The following SH2D2A variants were observed in gnomAD, a reference collection of about 807,000 sequenced individuals.
SH2D2A encodes SH2 domain containing 2A.
Under a neutral mutation model 43.6 loss-of-function variants are expected in SH2D2A, and 33 were observed. The ratio of observed to expected loss-of-function variants is 0.76; its 90% CI spans 0.57 to 1.01. SH2D2A has a LOEUF of 1.01. SH2D2A is among the 50% of genes least tolerant of loss of function. The probability of loss-of-function intolerance (pLI) is 0.00; values close to 1 mark genes in which losing one functional copy is unlikely to be tolerated. For missense variants in SH2D2A, 491 were observed against 503.1 expected, an observed-to-expected ratio of 0.98 and a Z score of 0.23; for synonymous variants, 212 against 206.1, an observed-to-expected ratio of 1.03 and a Z score of -0.25.
chr1:156,809,691 C>T lies in SH2D2A; in HGVS notation c.684G>A (p.Pro228=), dbSNP rs148217209. 200 of 1,612,154 alleles carry T rather than the reference C, an allele frequency of 1.2e-4. No homozygotes were observed. The East Asian group carries it at 4.3e-3, about 35-fold the overall frequency. Residue 228 remains proline (P), a synonymous_variant, in exon 6 of 9, where the codon CCG becomes CCA. Transcript: ENST00000368199. This position sits in a 1 kb window ranked among gnomAD's most constrained non-coding sequence, Gnocchi z 4.8. ...PIIKQGQAPV[P]MQKEGAGEKE... ...TCTCCCCGGCCCCCTCTTTCTGCAT[C>T]GGGACTGGGGCTTGCCCCTGTTTGA...
In SH2D2A at chr1:156,809,906, G is replaced by T; in HGVS notation, c.568-99C>A. 2 of 1,361,198 alleles carry T rather than the reference G, an allele frequency of 1.5e-6. No individual in the cohort carries two copies. The highest frequency in any genetic ancestry group is 1.2e-5 in the South Asian group (1 of 80,284). 84.3% of individuals were successfully genotyped at this position (1,361,198 alleles called of 1,614,324 possible). ...AATCCAGTCTAAGTGGAGGATGGGGGAAGGGGGAGGAGCACAGAAATTTGG... is the reference window on the plus strand; with the variant it reads ...AATCCAGTCTAAGTGGAGGATGGGGTAAGGGGGAGGAGCACAGAAATTTGG... On this transcript the variant is annotated intron_variant, in intron 5 of 8. Coordinates refer to ENST00000368199, the MANE Select transcript of SH2D2A (RefSeq NM_003975.4). The surrounding 1 kb of genome is among the most constrained non-coding windows in gnomAD (Gnocchi z 4.8).
chr1:156,809,535 A>G lies in SH2D2A; in HGVS notation c.715-45T>C, dbSNP rs1326311552. On this transcript the variant is annotated intron_variant, in intron 6 of 8. Coordinates refer to ENST00000368199, the MANE Select transcript of SH2D2A (RefSeq NM_003975.4). This position sits in a 1 kb window ranked among gnomAD's most constrained non-coding sequence, Gnocchi z 4.8. ...CAGGGAGGAGTGGGGTGAGGGAGGC[A>G]GGGTTAAAGCCCCAGCCTAACTCCC... 6.4e-7 allele frequency: 1 copy of G among 1,561,324 alleles called. No individual in the cohort carries two copies. The highest frequency in any genetic ancestry group is 1.2e-5 in the South Asian group (1 of 83,158).
chr1:156,813,120 C>G (rs1653540757), intron 5 of SH2D2A, among the ~76,000 whole-genome samples: 1 of 152,148 alleles, frequency 6.6e-6, no homozygotes. Flanking sequence ...TTCTCAGGGC[C>G]TGCCAGCAGT....
intron 3 of SH2D2A, 91 bp from the exon 4 acceptor site, chr1:156,814,385 C>A (rs371609875): frequency 2.6e-6 from 4 of 1,537,300 alleles, no homozygotes; most frequent in Admixed American, 4.0e-5. Context: ...ACCCCTACCC[C>A]CAAGCAAGCA....
chr1:156,816,481 C>T (rs909535767), intron 1 of SH2D2A, among the ~76,000 whole-genome samples, 194 bp downstream of exon 1: 1 of 152,216 alleles, frequency 6.6e-6, no homozygotes, highest in South Asian at 2.1e-4. Context: ...CAAACCCTGT[C>T]ACCTTTATCC....
chr1:156,809,552 C>A lies in SH2D2A; in HGVS notation c.715-62G>T. The stretch of plus-strand genomic sequence containing the variant: ...AGGGAGGCAGGGTTAAAGCCCCAGC[C>A]TAACTCCCAGCCTGAGCCTCTGCCC... On this transcript the variant is annotated intron_variant, in intron 6 of 8. Coordinates refer to ENST00000368199, the MANE Select transcript of SH2D2A (RefSeq NM_003975.4). This position sits in a 1 kb window ranked among gnomAD's most constrained non-coding sequence, Gnocchi z 4.8. 1 of 1,555,922 alleles carries A rather than the reference C, an allele frequency of 6.4e-7. No homozygotes were observed. Among genetic ancestry groups the A allele is most frequent in the South Asian group, 1.2e-5 (1 of 81,668 alleles).
chr1:156,815,331 AT>A (rs35784147), intron 2 of SH2D2A, 110 bp from the exon 3 acceptor site: 1 of 832,500 alleles, frequency 1.2e-6, no homozygotes, highest in South Asian at 2.2e-5. Context: ...TCTCCTGTCT[AT>A]TTTAGGGTAC....
chr1:156,808,937 C>G (rs1653178832), intron 7 of SH2D2A, among the ~76,000 whole-genome samples: 1 of 152,044 alleles, frequency 6.6e-6, no homozygotes, highest in Admixed American at 6.6e-5. Flanking sequence ...GGCACCCTGC[C>G]TGGGGGCCTC....
At chr1:156,808,591 G>C (rs1314607601) in intron 7 of SH2D2A, among the ~76,000 whole-genome samples, 1 of 152,068 alleles carries the variant, frequency 6.6e-6, no homozygotes, top group African/African-American at 2.4e-5. Flanking sequence ...GAGGGCCGCA[G>C]AGGCCGAGGG....
Position 156,809,534 on chromosome 1 carries a change from C to T in SH2D2A, c.715-44G>A, listed in dbSNP as rs2777927. On this transcript the variant is annotated intron_variant, in intron 6 of 8. Coordinates refer to ENST00000368199, the MANE Select transcript of SH2D2A (RefSeq NM_003975.4). The surrounding 1 kb of genome is among the most constrained non-coding windows in gnomAD (Gnocchi z 4.8). ...CCAGGGAGGAGTGGGGTGAGGGAGG[C>T]AGGGTTAAAGCCCCAGCCTAACTCC... The T allele has an allele frequency of 3.8e-6, 6 of 1,561,874 alleles. No homozygotes were observed. In the South Asian group the frequency reaches 6.0e-5, roughly 16 times the overall value.
chr1:156,815,582 A>G (rs1653826774), intron 2 of SH2D2A: 3 of 626,880 alleles, frequency 4.8e-6, no homozygotes, highest in South Asian at 3.7e-5. Context: ...GTCACCCTAG[A>G]GGCCAGAATG....
intron 2 of SH2D2A, 195 bp downstream of exon 2, chr1:156,815,807 GGAGT>G: frequency 1.9e-6 from 3 of 1,614,126 alleles, no homozygotes; most frequent in Non-Finnish European, 1.7e-6. Context: ...GAGCAGTAAG[GGAGT>G]GAGTGGGCAA....
At chr1:156,815,329 C>A in intron 2 of SH2D2A, 108 bp from the exon 3 acceptor site, 3 of 856,784 alleles carry the variant, frequency 3.5e-6, no homozygotes, top group Middle Eastern at 2.5e-4. Flanking sequence ...CCTCTCCTGT[C>A]TATTTTAGGG....
chr1:156,809,749 C>A lies in SH2D2A; in HGVS notation c.626G>T (p.Ser209Ile). Residue 209 changes from serine (S) to isoleucine (I), a missense_variant, in exon 6 of 9, where the codon AGC becomes ATC. Transcript: ENST00000368199. The surrounding 1 kb of genome is among the most constrained non-coding windows in gnomAD (Gnocchi z 4.8). The stretch of plus-strand genomic sequence containing the variant: ...GCTGTACTGGGGGTTTGGGTCCTGG[C>A]TTTTGCTTCCAAAGTTTGATTCTTC... ...RTEESNFGSK[S>I]QDPNPQYSPI... 6.2e-7 allele frequency: 1 copy of A among 1,614,064 alleles called. No homozygotes were observed. The highest frequency in any genetic ancestry group is 8.5e-7 in the Non-Finnish European group (1 of 1,180,008).
rs1653219832 is a variant in SH2D2A at position 156,809,331 on chromosome 1, T to C, written c.874A>G (p.Met292Val). Residue 292 changes from methionine to valine, a missense_variant, in exon 7 of 9, where the codon ATG (methionine) becomes GTG (valine). By Grantham distance (21) the Met-to-Val change is conservative (BLOSUM62 1). Transcript: ENST00000368199. This position sits in a 1 kb window ranked among gnomAD's most constrained non-coding sequence, Gnocchi z 4.8. Reference sequence around the variant, plus strand: ...GCTTCCCCAGGGCTGCCCCGGCCCATGGCATAGAAAGCTATGGGTTCATCA... The same window carrying C: ...GCTTCCCCAGGGCTGCCCCGGCCCACGGCATAGAAAGCTATGGGTTCATCA... ...EPDEPIAFYA[M>V]GRGSPGEAPS... is the part of the protein sequence containing the mutation. The C allele has an allele frequency of 1.2e-6, 2 of 1,613,944 alleles. No homozygotes were observed. Among genetic ancestry groups the C allele is most frequent in the African/African-American group, 1.3e-5 (1 of 74,892 alleles).
chr1:156,810,702 A>G (rs1029446610), intron 5 of SH2D2A, among the ~76,000 whole-genome samples: 2 of 152,036 alleles, frequency 1.3e-5, no homozygotes, highest in Admixed American at 1.3e-4. Context: ...TGTATTTTTT[A>G]GTAGAGATGG....
In SH2D2A at chr1:156,813,930, C is replaced by T; in HGVS notation, c.485G>A (p.Arg162Gln). ...VVLGEDSAHA[R>Q]LQDLLLHYTA... is the part of the protein sequence containing the mutation. ...GTAGTGCAGCAGCAGGTCCTGCAGC[C>T]GCGCGTGGGCGCTGTCCTCGCCCAG... The change falls in exon 5 of 9, where the codon CGG (arginine) becomes CAG (glutamine). Residue 162 changes from arginine to glutamine, a missense_variant. By Grantham distance (43) the Arg-to-Gln change is conservative. Transcript: ENST00000368199. 4 of 1,535,828 alleles carry T rather than the reference C, an allele frequency of 2.6e-6. No individual in the cohort carries two copies. Among genetic ancestry groups the T allele is most frequent in the Non-Finnish European group, 3.5e-6 (4 of 1,145,050 alleles).
At chr1:156,816,120 G>A (rs377396834) in intron 1 of SH2D2A, 26 bp from the exon 2 acceptor site, 2 of 1,599,286 alleles carry the variant, frequency 1.3e-6, no homozygotes, top group Non-Finnish European at 1.7e-6. Flanking sequence ...GGGCTGCCGG[G>A]GTTTCTCAGA....
Position 156,816,077 on chromosome 1 carries a change from T to A in SH2D2A, c.52A>T (p.Ile18Phe). 1 of 1,613,772 alleles carries A rather than the reference T, an allele frequency of 6.2e-7. No individual in the cohort carries two copies. Residue 18 changes from isoleucine to phenylalanine, a missense_variant, in exon 2 of 9, where the codon ATC becomes TTC. By Grantham distance (21) the Ile-to-Phe change is conservative. Transcript: ENST00000368199. ...ICPQGSHEAP[I>F]PTFSTFQITD... is the part of the protein sequence containing the mutation. ...ATCTGGAAGGTGCTGAAGGTTGGGA[T>A]GGGGGCTTCGTGACTCCCTGTGAGC...
Sources: gnomAD v4.1 joint callset for allele counts (sites outside exome capture counted in the v4.1 genomes callset) on GRCh38, gnomAD v4.1.1 for gene constraint, Gnocchi (gnomAD v3.1) non-coding constraint, MANE v1.5 for transcripts, NCBI Gene and HGNC (gene_info 2026-07-23, HGNC 2026-07-21) for gene names.